The following NXPH1 variants were observed in gnomAD, a reference collection of about 807,000 sequenced individuals.
NXPH1 encodes neurexophilin 1.
Under a neutral mutation model 23.7 loss-of-function variants are expected in NXPH1, and 5 were observed. The observed-to-expected ratio is 0.21, with a 90% CI of 0.11 to 0.44. The LOEUF (loss-of-function observed/expected upper bound fraction) is 0.44. Among genes scored for constraint, NXPH1 ranks in the 20% least tolerant of loss-of-function variants. The pLI is 0.99. For missense variants in NXPH1, 324 were observed against 321.6 expected (o/e 1.01, Z -0.06); for synonymous variants, 144 against 122.2 (o/e 1.18, Z -1.18).
chr7:8,570,633 T>C (rs1818625988), intron 2 of NXPH1, among the ~76,000 whole-genome samples: 1 of 151,780 alleles, frequency 6.6e-6, no homozygotes, highest in African/African-American at 2.4e-5. Context: ...ACATTTGAGA[T>C]TCAACAGGAA....
intron 2 of NXPH1, among the ~76,000 whole-genome samples, chr7:8,513,582 G>C (rs1318460950): frequency 6.6e-6 from 1 of 152,088 alleles, no homozygotes; most frequent in Admixed American, 6.6e-5. Flanking sequence ...CTGGCCCTAA[G>C]GGCGGCAGGT....
chr7:8,624,159 CCAAAG>C (rs1819940381), intron 2 of NXPH1, among the ~76,000 whole-genome samples: 1 of 151,980 alleles, frequency 6.6e-6, no homozygotes, highest in Admixed American at 6.6e-5. Flanking sequence ...GTTTTTTAAC[CCAAAG>C]CATCAGAGGA....
Position 8,435,419 on chromosome 7 carries a change from C to T in NXPH1, c.-110-185C>T, listed in dbSNP as rs1327785320. ...TCCCTCTCGTCCGCCCGCCCGCCTC[C>T]CCAGCTGCGGACCGCGCGCTTGCTG... On this transcript the variant is annotated intron_variant, in intron 1 of 2. Transcript: ENST00000405863. This position sits in a 1 kb window ranked among gnomAD's most constrained non-coding sequence, Gnocchi z 5.9. The T allele has an allele frequency of 4.0e-6, 2 of 495,726 alleles. No homozygotes were observed. Among genetic ancestry groups the T allele is most frequent in the South Asian group, 2.3e-5 (1 of 43,864 alleles). The allele number at this position is 495,726 out of a possible 1,614,324, so 30.7% of individuals were successfully genotyped here.
chr7:8,509,682 A>G (rs754882489), intron 2 of NXPH1, among the ~76,000 whole-genome samples: 12 of 152,080 alleles, frequency 7.9e-5, no homozygotes, highest in Admixed American at 7.9e-4. Context: ...GGGGACTAGG[A>G]AAGTCAGGCG....
At chr7:8,646,960 G>T (rs995259031) in intron 2 of NXPH1, among the ~76,000 whole-genome samples, 1 of 151,898 alleles carries the variant, frequency 6.6e-6, no homozygotes, top group Non-Finnish European at 1.5e-5. Context: ...AGAACACAGG[G>T]GAACAGGCAC....
intron 2 of NXPH1, among the ~76,000 whole-genome samples, chr7:8,700,983 C>T (rs1471590210): frequency 6.6e-6 from 1 of 152,020 alleles, no homozygotes; most frequent in South Asian, 2.1e-4. Flanking sequence ...ATTTCTTTGT[C>T]TATAAATAAT....
chr7:8,746,313 A>G (rs73052270), intron 2 of NXPH1, among the ~76,000 whole-genome samples: 4,783 of 152,306 alleles, frequency 0.031, 95 homozygotes, highest in Non-Finnish European at 0.05. Flanking sequence ...GGGAATAAGA[A>G]TATTTAAGAC....
intron 2 of NXPH1, among the ~76,000 whole-genome samples, chr7:8,528,293 G>A (rs1365390486): frequency 3.9e-5 from 6 of 152,254 alleles, no homozygotes; most frequent in Non-Finnish European, 8.8e-5. Context: ...GCTGCTTGCT[G>A]AGGTAATGGC....
At chr7:8,530,083 A>G (rs558813968) in intron 2 of NXPH1, among the ~76,000 whole-genome samples, 1 of 152,290 alleles carries the variant, frequency 6.6e-6, no homozygotes, top group South Asian at 2.1e-4. Context: ...GTCACCCTAC[A>G]ACTAATGGTA....
chr7:8,448,989 G>A (rs1174069620), intron 2 of NXPH1, among the ~76,000 whole-genome samples: 4 of 152,168 alleles, frequency 2.6e-5, no homozygotes, highest in African/African-American at 7.2e-5. Context: ...TTATTAAGAT[G>A]TGATTTTAAA....
intron 2 of NXPH1, among the ~76,000 whole-genome samples, chr7:8,499,335 G>C (rs1223046074): frequency 6.6e-6 from 1 of 152,030 alleles, no homozygotes; most frequent in Non-Finnish European, 1.5e-5. Context: ...AGCCCTCCCA[G>C]GGTTCATAGC....
At chr7:8,508,643 CT>C (rs923337115) in intron 2 of NXPH1, among the ~76,000 whole-genome samples, 11 of 151,284 alleles carry the variant, frequency 7.3e-5, no homozygotes, top group Non-Finnish European at 1.3e-4. Flanking sequence ...TGCTAAGCAT[CT>C]TTTTTTTTAT....
chr7:8,722,028 G>C (rs1339249318), intron 2 of NXPH1, among the ~76,000 whole-genome samples: 1 of 152,056 alleles, frequency 6.6e-6, no homozygotes, highest in East Asian at 1.9e-4. Context: ...GACTTTCAAG[G>C]CTTGTAGCAG....
At chr7:8,723,490 G>GT (rs1429576372) in intron 2 of NXPH1, among the ~76,000 whole-genome samples, 14 of 152,130 alleles carry the variant, frequency 9.2e-5, no homozygotes, top group Non-Finnish European at 1.6e-4. Context: ...CTCTTATTCA[G>GT]TTTTGTCTTA....
chr7:8,695,259 C>G (rs998585910), intron 2 of NXPH1, among the ~76,000 whole-genome samples: 9 of 152,120 alleles, frequency 5.9e-5, no homozygotes, highest in African/African-American at 2.2e-4. Flanking sequence ...TGTAATCCTC[C>G]CCACCTTCTT....
At chr7:8,691,390 C>T (rs1233963927) in intron 2 of NXPH1, among the ~76,000 whole-genome samples, 23 of 152,070 alleles carry the variant, frequency 1.5e-4, no homozygotes. Flanking sequence ...CTCAGGTGAC[C>T]CGCTCTCCTC....
intron 2 of NXPH1, among the ~76,000 whole-genome samples, chr7:8,455,449 T>C (rs1816578930): frequency 6.6e-6 from 1 of 152,310 alleles, no homozygotes; most frequent in South Asian, 2.1e-4. Flanking sequence ...GTGGATCTTT[T>C]AATGGAAATC....
Position 8,646,489 on chromosome 7 carries a change from C to G in NXPH1, c.55-104519C>G, listed in dbSNP as rs1274611262. ...TGTCTGATATTCCTGGCTATAACCT[C>G]CAGTAAACTTTAGAAGAGAATGCTA... On this transcript the variant is annotated intron_variant, in intron 2 of 2. Transcript: ENST00000405863. Among the ~76,000 whole-genome samples, 17 of 152,186 alleles carry G rather than the reference C, an allele frequency of 1.1e-4. 1 individual carries two copies. The highest frequency in any genetic ancestry group is 6.8e-3 in the Middle Eastern group (2 of 294).
chr7:8,572,644 G>A (rs1481345240), intron 2 of NXPH1, among the ~76,000 whole-genome samples: 1 of 151,914 alleles, frequency 6.6e-6, no homozygotes, highest in African/African-American at 2.4e-5. Flanking sequence ...AGTGAACAAG[G>A]CAATGTTGAA....
Sources: allele counts gnomAD v4.1 joint callset (sites outside exome capture counted in the v4.1 genomes callset), GRCh38; gene constraint gnomAD v4.1.1; non-coding constraint Gnocchi (gnomAD v3.1); transcripts MANE v1.5; gene names NCBI Gene and HGNC (gene_info 2026-07-23, HGNC 2026-07-21).